Variants in LRRC37A2 observed in about 807,000 individuals in gnomAD.
LRRC37A2 encodes leucine-rich repeat-containing protein 37A2.
A neutral mutation model predicts 68.8 loss-of-function variants in LRRC37A2; 9 were observed. The observed-to-expected ratio is 0.13, with a 90% CI of 0.08 to 0.23. The LOEUF is 0.23. Ranked by LOEUF, LRRC37A2 falls within the 10% of genes least tolerant of loss-of-function variation. The pLI, the probability that LRRC37A2 is intolerant of heterozygous loss-of-function variation, is 1.00. For synonymous variants in LRRC37A2, 63 were observed against 367.6 expected (o/e 0.17, Z 9.48); for missense variants, 168 against 950.4 (o/e 0.18, Z 10.82).
the LRRC37A2 span, among the ~76,000 whole-genome samples, chr17:46,477,367 C>T: frequency 7.2e-5 from 1 of 13,876 alleles, no homozygotes; most frequent in African/African-American, 2.2e-4. Flanking sequence ...CACGGTGAAA[C>T]CCCGTCTCCA....
the LRRC37A2 span, chr17:46,931,745 C>T: frequency 2.4e-6 from 1 of 415,938 alleles, no homozygotes; most frequent in Non-Finnish European, 4.4e-6. Context: ...CCAGGAGAGC[C>T]ATATAATCCA....
chr17:46,709,294 G>A, the LRRC37A2 span, among the ~76,000 whole-genome samples: 1 of 151,924 alleles, frequency 6.6e-6, no homozygotes, highest in African/African-American at 2.4e-5. Flanking sequence ...CCATGAGGAA[G>A]TGACAACTAA....
At chr17:46,953,695 C>T in the LRRC37A2 span, among the ~76,000 whole-genome samples, 3 of 152,226 alleles carry the variant, frequency 2.0e-5, no homozygotes, top group Admixed American at 2.0e-4. Context: ...TTCTCTCCAG[C>T]AGCTGTTGTT....
At chr17:46,940,561 A>G in the LRRC37A2 span, 2 of 1,614,058 alleles carry the variant, frequency 1.2e-6, no homozygotes, top group Non-Finnish European at 1.7e-6. Context: ...CCAGGCACCC[A>G]AGGATCCTGC....
the LRRC37A2 span, among the ~76,000 whole-genome samples, chr17:46,496,463 T>TGTG: frequency 6.8e-6 from 1 of 147,736 alleles, no homozygotes; most frequent in Non-Finnish European, 1.5e-5. Flanking sequence ...AATAGCCTAG[T>TGTG]GTGGTGGCAC....
chr17:46,769,637 TG>T, the LRRC37A2 span: 27 of 1,011,544 alleles, frequency 2.7e-5, no homozygotes, highest in East Asian at 7.1e-4. Flanking sequence ...GGCTGTGGGG[TG>T]GGGAGGAGGC....
the LRRC37A2 span, among the ~76,000 whole-genome samples, chr17:46,680,203 TGAA>T: frequency 8.0e-5 from 12 of 150,096 alleles, no homozygotes; most frequent in Non-Finnish European, 1.3e-4. Flanking sequence ...TGAAGAATAA[TGAA>T]GATTTACTTT....
the LRRC37A2 span, among the ~76,000 whole-genome samples, chr17:46,489,568 T>G: frequency 6.7e-6 from 1 of 148,516 alleles, no homozygotes; most frequent in Non-Finnish European, 1.5e-5. Flanking sequence ...TCACTGCAAC[T>G]TCCACCTCCC....
At chr17:46,492,086 C>T in the LRRC37A2 span, among the ~76,000 whole-genome samples, 2 of 150,960 alleles carry the variant, frequency 1.3e-5, no homozygotes, top group African/African-American at 2.5e-5. Context: ...GTCTCAGCCT[C>T]CTGAGTGGCT....
At chr17:47,014,947 T>C in the LRRC37A2 span, among the ~76,000 whole-genome samples, 2 of 151,814 alleles carry the variant, frequency 1.3e-5, no homozygotes, top group Non-Finnish European at 2.9e-5. Context: ...ACCACATATA[T>C]GATGGTGGTT....
At chr17:47,025,009 C>G in the LRRC37A2 span, among the ~76,000 whole-genome samples, 1 of 150,986 alleles carries the variant, frequency 6.6e-6, no homozygotes, top group East Asian at 1.9e-4. Flanking sequence ...CCATATGAAC[C>G]TTGTTTTATA....
chr17:46,923,307 G>A, the LRRC37A2 span: 1 of 1,546,506 alleles, frequency 6.5e-7, no homozygotes, highest in Middle Eastern at 1.7e-4. Context: ...TCGGACGTCA[G>A]CCAGGGTAGA....
chr17:46,783,094 G>A, the LRRC37A2 span, among the ~76,000 whole-genome samples: 1 of 152,310 alleles, frequency 6.6e-6, no homozygotes, highest in Non-Finnish European at 1.5e-5. Flanking sequence ...TCTCTCAACG[G>A]GGCCCTCTGG....
At chr17:47,033,392 G>T in the LRRC37A2 span, 1 of 696,520 alleles carries the variant, frequency 1.4e-6, no homozygotes, top group African/African-American at 1.8e-5. Context: ...CTATGTAGGT[G>T]AATAAAGGAA....
At chr17:46,795,078 G>T in the LRRC37A2 span, among the ~76,000 whole-genome samples, 3 of 152,140 alleles carry the variant, frequency 2.0e-5, no homozygotes, top group South Asian at 6.2e-4. Flanking sequence ...GAGACACCTG[G>T]TGGGAATTCT....
At chr17:47,015,100 C>G in the LRRC37A2 span, among the ~76,000 whole-genome samples, 1 of 150,940 alleles carries the variant, frequency 6.6e-6, no homozygotes, top group African/African-American at 2.4e-5. Flanking sequence ...CTCCACCTCC[C>G]GGGTTCAAGT....
the LRRC37A2 span, chr17:46,726,720 G>C: frequency 1.0e-6 from 1 of 971,398 alleles, no homozygotes; most frequent in African/African-American, 1.6e-5. Context: ...TAAAGCAATA[G>C]AAATACCTTT....
chr17:46,868,992 A>G, the LRRC37A2 span, among the ~76,000 whole-genome samples: 6 of 152,254 alleles, frequency 3.9e-5, no homozygotes, highest in African/African-American at 4.8e-5. Flanking sequence ...TTCAAAGGAA[A>G]TACGATCCCA....
chr17:46,568,829 C>A, the LRRC37A2 span, among the ~76,000 whole-genome samples: 1 of 114,096 alleles, frequency 8.8e-6, no homozygotes, highest in South Asian at 2.8e-4. Context: ...AGAACAACTG[C>A]TGTAGAATAA....
Sources: gnomAD v4.1 joint callset for allele counts (sites outside exome capture counted in the v4.1 genomes callset) on GRCh38, gnomAD v4.1.1 for gene constraint, MANE v1.5 for transcripts, NCBI Gene and HGNC (gene_info 2026-07-23, HGNC 2026-07-21) for gene names.